LPA: variants seen among roughly 807,000 people sequenced by gnomAD.
LPA encodes the protein lipoprotein(a).
A neutral mutation model predicts 197.9 loss-of-function variants in LPA; 199 were observed. That is an observed-to-expected ratio of 1.01 (90% CI 0.90 to 1.13). LPA has a LOEUF of 1.13. LPA is among the 50% of genes most tolerant of loss of function. The pLI, the probability that LPA is intolerant of heterozygous loss-of-function variation, is 0.00. For synonymous variants in LPA, 715 were observed against 639.5 expected (o/e 1.12, Z -1.78); for missense variants, 1,853 against 1,785.8 (o/e 1.04, Z -0.68).
intron 28 of LPA, among the ~76,000 whole-genome samples, chr6:160,564,657 G>A (rs1390554475): frequency 6.6e-6 from 1 of 152,220 alleles, no homozygotes; most frequent in East Asian, 1.9e-4. Context: ...TTGTCAGACA[G>A]TGGGTGCAGC....
At chr6:160,576,840 G>A (rs776255456) in intron 28 of LPA, among the ~76,000 whole-genome samples, 22 of 151,472 alleles carry the variant, frequency 1.5e-4, no homozygotes, top group Non-Finnish European at 2.7e-4. Context: ...TTTTTAGTGG[G>A]CATTGTGGAA....
chr6:160,662,027 T>C (rs1780235754), intron 1 of LPA, among the ~76,000 whole-genome samples: 1 of 152,188 alleles, frequency 6.6e-6, no homozygotes, highest in Non-Finnish European at 1.5e-5. Flanking sequence ...TCATAGAGCA[T>C]CACTGCTGAG....
rs558312887 is a variant in LPA at position 160,650,355 on chromosome 6, T to C, written c.192A>G (p.Thr64=). ...TGACATACGCATTTGGGTAGTTTTCTGTGGTCCTATTATGTTGATGTGGTG... is the reference window on the plus strand; with the variant it reads ...TGACATACGCATTTGGGTAGTTTTCCGTGGTCCTATTATGTTGATGTGGTG... ...SMTPHQHNRT[T]ENYPNAGLIM... Residue 64 remains threonine (T), a synonymous_variant, in exon 2 of 39, where the codon ACA becomes ACG. Transcript: ENST00000316300. 2.5e-6 allele frequency: 4 copies of C among 1,613,620 alleles called. No homozygotes were observed. The South Asian group carries it at 3.3e-5, about 13-fold the overall frequency.
At chr6:160,651,763 T>C (rs771566327) in intron 1 of LPA, among the ~76,000 whole-genome samples, 7 of 152,140 alleles carry the variant, frequency 4.6e-5, no homozygotes, top group South Asian at 2.1e-4. Flanking sequence ...ATACCTATGT[T>C]AATATGTTAA....
At position 160,589,477 on chromosome 6, in the gene LPA, T is replaced by C. The variant is rs918593601; in HGVS notation, c.3947+76A>G. 16 of 1,560,372 alleles carry C rather than the reference T, an allele frequency of 1.0e-5. No homozygotes were observed. In the African/African-American group the frequency reaches 2.0e-4, roughly 20 times the overall value. ...TGAGAGAAATTGGGTCATAAGAAGTTAGCTGGAAGCATGGCTCTTCCAGGA... is the reference window on the plus strand; with the variant it reads ...TGAGAGAAATTGGGTCATAAGAAGTCAGCTGGAAGCATGGCTCTTCCAGGA... On this transcript the variant is annotated intron_variant, in intron 24 of 38. Transcript: ENST00000316300.
chr6:160,593,976 G>T lies in LPA; in HGVS notation c.3611C>A (p.Thr1204Lys). 1.9e-6 allele frequency: 3 copies of T among 1,613,870 alleles called. No homozygotes were observed. Among genetic ancestry groups the T allele is most frequent in the Non-Finnish European group, 2.5e-6 (3 of 1,179,820 alleles). The change falls in exon 22 of 39, where the codon ACA becomes AAA. Residue 1204 changes from threonine to lysine, a missense_variant. Around this residue, in one of 3 missense-constraint regions of LPA, gnomAD observed 1,737 missense variants for 1,504.4 expected, o/e 1.15. Coordinates refer to ENST00000316300, the MANE Select transcript of LPA (RefSeq NM_005577.4). ...GTTGTACCCATTTGGATAATATTCT[G>T]TTGTCCTCTGATGCCAGTGTGGTGT... The part of the protein sequence containing the change: ...SMTPHWHQRT[T>K]EYYPNGGLTR...
Position 160,556,059 on chromosome 6 carries a change from G to A in LPA, c.4939C>T (p.Arg1647Trp), listed in dbSNP as rs190740028. Residue 1647 changes from arginine (R) to tryptophan (W), a missense_variant, in exon 30 of 39, where the codon CGG (arginine) becomes TGG (tryptophan). Around this residue, in one of 3 missense-constraint regions of LPA, gnomAD observed 1,737 missense variants for 1,504.4 expected, o/e 1.15. Transcript: ENST00000316300. ...TAGTTTTCTGGGGTCCTCTGATGCC[G>A]GTGTGGTGTCATGGATGACCAAGAT... is the stretch of plus-strand genomic sequence containing the variant. ...CQSWSSMTPHRHQRTPENYPN... is the reference protein window; with the variant it reads ...CQSWSSMTPHWHQRTPENYPN... 3.6e-4 allele frequency: 588 copies of A among 1,612,184 alleles called. 6 individuals are homozygous for A. The East Asian group carries it at 0.01, about 29-fold the overall frequency.
chr6:160,555,085 TG>T (rs1778231957), intron 30 of LPA, among the ~76,000 whole-genome samples: 1 of 152,024 alleles, frequency 6.6e-6, no homozygotes, highest in Non-Finnish European at 1.5e-5. Flanking sequence ...CCTGGTTTTT[TG>T]TCCATGTACC....
At chr6:160,594,949 C>T (rs1779101949) in intron 21 of LPA, among the ~76,000 whole-genome samples, 1 of 152,162 alleles carries the variant, frequency 6.6e-6, no homozygotes, top group Admixed American at 6.5e-5. Flanking sequence ...AACCGCATTC[C>T]TCCGAAACCG....
chr6:160,611,054 T>A (rs1388487552), intron 16 of LPA, among the ~76,000 whole-genome samples: 1 of 152,094 alleles, frequency 6.6e-6, no homozygotes, highest in Non-Finnish European at 1.5e-5. Flanking sequence ...GGAACCTCTA[T>A]CCTTTCAGGC....
intron 28 of LPA, among the ~76,000 whole-genome samples, chr6:160,576,682 GTGTGTGTGTATA>G (rs1483555393): frequency 5.3e-5 from 5 of 94,938 alleles, no homozygotes; most frequent in East Asian, 9.3e-4. Context: ...GTGTGTGTGT[GTGTGTGTGTATA>G]TATATATATA....
intron 38 of LPA, 52 bp from the exon 39 acceptor site, chr6:160,531,942 A>T (rs1216955813): frequency 6.3e-7 from 1 of 1,588,184 alleles, no homozygotes; most frequent in Admixed American, 1.7e-5. Context: ...CCAACCTTTT[A>T]ATATGGGATG....
rs1034841939 is a variant in LPA at position 160,606,675 on chromosome 6, G to A, written c.2604-17C>T. ...ATCAAGCCACTGGAAATTCCAAAAC[G>A]ATACACGTCACAAGAGGTGGGACAA... On this transcript the variant is annotated splice_polypyrimidine_tract_variant and intron_variant, in intron 16 of 38. Transcript: ENST00000316300. The A allele has an allele frequency of 1.3e-5, 21 of 1,613,728 alleles. No individual in the cohort carries two copies. The highest frequency in any genetic ancestry group is 1.8e-5 in the Non-Finnish European group (21 of 1,179,752).
At position 160,589,567 on chromosome 6, in the gene LPA, T is replaced by A; in HGVS notation, c.3933A>T (p.Glu1311Asp). The A allele has an allele frequency of 6.2e-7, 1 of 1,613,802 alleles. No homozygotes were observed. The highest frequency in any genetic ancestry group is 8.5e-7 in the Non-Finnish European group (1 of 1,179,816). The change falls in exon 24 of 39, where the codon GAA becomes GAT. Residue 1311 changes from glutamate to aspartate, a missense_variant. Coordinates refer to ENST00000316300, the MANE Select transcript of LPA (RefSeq NM_005577.4). ...MTPHWHQRTT[E>D]YYPNGGLTRN... ...CAAAGACATACCCATTTGGGTAGTA[T>A]TCTGTGGTTCTCTGATGCCAGTGTG...
intron 2 of LPA, among the ~76,000 whole-genome samples, chr6:160,647,240 C>T (rs1779907282): frequency 6.6e-6 from 1 of 152,206 alleles, no homozygotes; most frequent in African/African-American, 2.4e-5. Flanking sequence ...CTGAAGAGGT[C>T]GGACAGCTAT....
At chr6:160,591,376 A>C (rs894866861) in intron 22 of LPA, among the ~76,000 whole-genome samples, 16 of 152,180 alleles carry the variant, frequency 1.1e-4, no homozygotes, top group Admixed American at 3.3e-4. Context: ...GGATCAGAAT[A>C]CCCTCCTTCC....
chr6:160,585,234 G>C, intron 25 of LPA, 29 bp from the exon 26 acceptor site: 3 of 1,612,924 alleles, frequency 1.9e-6, no homozygotes, highest in South Asian at 2.2e-5. Flanking sequence ...ATCAAGCTCA[G>C]TATTGCCTAG....
chr6:160,537,697 T>A (rs1777915307), intron 37 of LPA, among the ~76,000 whole-genome samples, 158 bp downstream of exon 37: 1 of 152,250 alleles, frequency 6.6e-6, no homozygotes. Flanking sequence ...CCTTGAAGAC[T>A]GATTATGGAG....
At chr6:160,552,570 A>G (rs1457206153) in intron 30 of LPA, among the ~76,000 whole-genome samples, 3 of 152,334 alleles carry the variant, frequency 2.0e-5, no homozygotes, top group African/African-American at 7.2e-5. Context: ...GTTTTTGCAC[A>G]TTGAGCACGT....
Sources: allele counts gnomAD v4.1 joint callset (sites outside exome capture counted in the v4.1 genomes callset), GRCh38; gene constraint gnomAD v4.1.1; regional missense constraint gnomAD v4.1.1; transcripts MANE v1.5; gene names NCBI Gene and HGNC (gene_info 2026-07-23, HGNC 2026-07-21).